Variants in C12orf54 observed in about 807,000 individuals in gnomAD.
C12orf54 encodes uncharacterized protein C12orf54.
A neutral mutation model predicts 26.4 loss-of-function variants in C12orf54; 24 were observed. The observed-to-expected ratio is 0.91, with a 90% CI of 0.66 to 1.28. The LOEUF (loss-of-function observed/expected upper bound fraction) is 1.28. Ranked by LOEUF, C12orf54 falls within the 50% of genes most tolerant of loss-of-function variation. The probability of loss-of-function intolerance (pLI) is 0.00; values close to 1 mark genes in which losing one functional copy is unlikely to be tolerated. For missense variants in C12orf54, 154 were observed against 150.9 expected (o/e 1.02, Z -0.11); for synonymous variants, 54 against 47.0 (o/e 1.15, Z -0.61).
chr12:48,463,248 G>A, the C12orf54 span, among the ~76,000 whole-genome samples: 1 of 151,700 alleles, frequency 6.6e-6, no homozygotes, highest in Non-Finnish European at 1.5e-5. Context: ...GGATATTACT[G>A]CTGACCCCAT....
At chr12:48,472,175 GT>G in the C12orf54 span, among the ~76,000 whole-genome samples, 161 of 152,254 alleles carry the variant, frequency 1.1e-3, no homozygotes, top group African/African-American at 3.8e-3. Context: ...AATGCTACTA[GT>G]TTTGTATATT....
the C12orf54 span, among the ~76,000 whole-genome samples, chr12:48,453,111 T>C: frequency 6.6e-6 from 1 of 152,170 alleles, no homozygotes; most frequent in African/African-American, 2.4e-5. Context: ...AATGATAGAC[T>C]GGATAAGGAA....
chr12:48,451,133 C>A, the C12orf54 span, among the ~76,000 whole-genome samples: 1 of 152,122 alleles, frequency 6.6e-6, no homozygotes, highest in African/African-American at 2.4e-5. Flanking sequence ...AGTTTATCTG[C>A]CATAATCACG....
At chr12:48,445,561 C>A in the C12orf54 span, among the ~76,000 whole-genome samples, 1 of 152,148 alleles carries the variant, frequency 6.6e-6, no homozygotes, top group South Asian at 2.1e-4. Context: ...CCTCCCACCC[C>A]TTATAGAGAG....
At chr12:48,463,722 C>T in the C12orf54 span, among the ~76,000 whole-genome samples, 1 of 152,034 alleles carries the variant, frequency 6.6e-6, no homozygotes, top group African/African-American at 2.4e-5. Context: ...TATCAAAAAG[C>T]TTAACCACCA....
At chr12:48,472,875 C>T in the C12orf54 span, 1 of 1,614,110 alleles carries the variant, frequency 6.2e-7, no homozygotes, top group East Asian at 2.2e-5. Context: ...GAAGCTTGAA[C>T]TAAGCAGTAA....
At chr12:48,450,695 A>G in the C12orf54 span, among the ~76,000 whole-genome samples, 2 of 152,218 alleles carry the variant, frequency 1.3e-5, no homozygotes, top group Admixed American at 6.5e-5. Flanking sequence ...AATATTATCA[A>G]CACCTCTATG....
chr12:48,452,230 G>A, the C12orf54 span, among the ~76,000 whole-genome samples: 1 of 152,020 alleles, frequency 6.6e-6, no homozygotes, highest in Non-Finnish European at 1.5e-5. Context: ...AACAAGCAAT[G>A]GGGAAAGGAT....
chr12:48,480,319 CTTGT>C (rs1954186039), upstream of C12orf54, among the ~76,000 whole-genome samples: 1 of 152,000 alleles, frequency 6.6e-6, no homozygotes, highest in Admixed American at 6.6e-5. Context: ...TTGGTTTTTT[CTTGT>C]TTATTTGTTT....
intron 4 of C12orf54, chr12:48,488,185 A>T: frequency 1.4e-6 from 1 of 721,966 alleles, no homozygotes; most frequent in Non-Finnish European, 2.6e-6. Context: ...TATCTCCATG[A>T]TTACCTTCAT....
upstream of C12orf54, among the ~76,000 whole-genome samples, chr12:48,481,592 C>T (rs192617856): frequency 6.0e-4 from 91 of 152,208 alleles, no homozygotes; most frequent in African/African-American, 2.1e-3. Context: ...ACAGGTGGAG[C>T]GCCGAGCCAA....
chr12:48,494,776 A>T (rs1937873301), intron 7 of C12orf54, 22 bp from the exon 8 acceptor site: 1 of 1,611,014 alleles, frequency 6.2e-7, no homozygotes. Flanking sequence ...TCATGTCTAC[A>T]ACTTTCTCTA....
At chr12:48,472,936 T>A in the C12orf54 span, 1 of 1,614,148 alleles carries the variant, frequency 6.2e-7, no homozygotes, top group Non-Finnish European at 8.5e-7. Context: ...CCAAACCTCA[T>A]ACATCTAAAT....
chr12:48,478,503 C>T (rs1043190304), upstream of C12orf54, among the ~76,000 whole-genome samples: 4 of 152,176 alleles, frequency 2.6e-5, no homozygotes, highest in African/African-American at 7.2e-5. Context: ...AAAACCCCAT[C>T]ATCTCAGCCC....
At chr12:48,443,796 C>G in the C12orf54 span, among the ~76,000 whole-genome samples, 1 of 152,196 alleles carries the variant, frequency 6.6e-6, no homozygotes, top group East Asian at 1.9e-4. Context: ...TCAGGAGAAC[C>G]CTTCAGCTCT....
chr12:48,471,069 T>G, the C12orf54 span, among the ~76,000 whole-genome samples: 1 of 152,158 alleles, frequency 6.6e-6, no homozygotes, highest in African/African-American at 2.4e-5. Context: ...ATTCATTCTT[T>G]TTATTTTTTT....
the C12orf54 span, among the ~76,000 whole-genome samples, chr12:48,422,431 T>A: frequency 7.2e-5 from 11 of 152,226 alleles, no homozygotes; most frequent in African/African-American, 2.7e-4. Context: ...AACTGAATTA[T>A]GTCGGGAGGC....
the C12orf54 span, among the ~76,000 whole-genome samples, chr12:48,416,308 G>T: frequency 6.6e-6 from 1 of 152,082 alleles, no homozygotes; most frequent in Non-Finnish European, 1.5e-5. Flanking sequence ...ATCTGACTGC[G>T]GACAGCCTTT....
At chr12:48,442,180 G>A in the C12orf54 span, 5 of 177,674 alleles carry the variant, frequency 2.8e-5, no homozygotes, top group Non-Finnish European at 6.3e-5. Context: ...GCATGAGATA[G>A]CGGAGTAATC....
Sources: allele counts gnomAD v4.1 joint callset (sites outside exome capture counted in the v4.1 genomes callset), GRCh38; gene constraint gnomAD v4.1.1; transcripts MANE v1.5; gene names NCBI Gene and HGNC (gene_info 2026-07-23, HGNC 2026-07-21).